The following RNF13 variants were observed in gnomAD, a reference collection of about 807,000 sequenced individuals.
RNF13 encodes ring finger protein 13.
Under a neutral mutation model 37.7 loss-of-function variants are expected in RNF13, and 19 were observed. The ratio of observed to expected loss-of-function variants is 0.50; its 90% CI spans 0.35 to 0.74. RNF13 has a LOEUF of 0.74. RNF13 is among the 30% of genes least tolerant of loss of function. The pLI is 0.01. For synonymous variants in RNF13, 144 were observed against 157.8 expected, an observed-to-expected ratio of 0.91 and a Z score of 0.65; for missense variants, 375 against 453.0, an observed-to-expected ratio of 0.83 and a Z score of 1.56.
Position 149,863,401 on chromosome 3 carries a change from A to G in RNF13, c.196-8628A>G, listed in dbSNP as rs117969325. On this transcript the variant is annotated intron_variant, in intron 3 of 9. Transcript: ENST00000392894. ...TTGATTCTTTTTTTTATTTTTTAAG[A>G]TGGAGACTCGCTCTGTCATGCAGGC... Among the ~76,000 whole-genome samples the G allele has an allele frequency of 1.1e-4, 17 of 152,238 alleles. No individual in the cohort carries two copies. In the East Asian group the frequency reaches 3.3e-3, roughly 29 times the overall value.
At chr3:149,948,697 T>G (rs1366531162) in intron 8 of RNF13, among the ~76,000 whole-genome samples, 1 of 152,236 alleles carries the variant, frequency 6.6e-6, no homozygotes, top group African/African-American at 2.4e-5. Flanking sequence ...TTTACATTGC[T>G]TATCATTTAA....
At chr3:149,857,717 C>T (rs906720417) in intron 3 of RNF13, among the ~76,000 whole-genome samples, 2 of 152,204 alleles carry the variant, frequency 1.3e-5, no homozygotes, top group Admixed American at 1.3e-4. Context: ...GATTACCTTT[C>T]CCCATCCCCT....
chr3:149,831,128 T>C (rs1212433783), intron 1 of RNF13, among the ~76,000 whole-genome samples: 1 of 152,260 alleles, frequency 6.6e-6, no homozygotes, highest in Non-Finnish European at 1.5e-5. Context: ...GGAGAACCTT[T>C]GCTAGGGCAG....
At chr3:149,853,836 T>C (rs1011019651) in intron 3 of RNF13, among the ~76,000 whole-genome samples, 24 of 142,152 alleles carry the variant, frequency 1.7e-4, no homozygotes, top group South Asian at 4.5e-4. Context: ...AAATTTCTCT[T>C]TTTTTTTTTT....
At chr3:149,857,646 G>A (rs1416260920) in intron 3 of RNF13, among the ~76,000 whole-genome samples, 2 of 152,122 alleles carry the variant, frequency 1.3e-5, no homozygotes, top group South Asian at 2.1e-4. Context: ...TCTTTGAAAA[G>A]ATAAATAATG....
intron 3 of RNF13, among the ~76,000 whole-genome samples, chr3:149,861,211 A>C (rs915329976): frequency 6.6e-6 from 1 of 152,060 alleles, no homozygotes; most frequent in African/African-American, 2.4e-5. Context: ...AGATTTAAAA[A>C]AAAAAACTTA....
At chr3:149,861,309 A>G (rs1232579034) in intron 3 of RNF13, among the ~76,000 whole-genome samples, 2 of 152,190 alleles carry the variant, frequency 1.3e-5, no homozygotes, top group East Asian at 3.8e-4. Context: ...AAAGAAGTGT[A>G]TCAAAGGGAT....
At chr3:149,906,645 CTTTTT>C (rs35801459) in intron 6 of RNF13, among the ~76,000 whole-genome samples, 4 of 79,154 alleles carry the variant, frequency 5.1e-5, no homozygotes, top group Admixed American at 1.9e-4. Flanking sequence ...TTCAATTCTG[CTTTTT>C]TTTTTTTTTT....
intron 6 of RNF13, among the ~76,000 whole-genome samples, chr3:149,905,889 T>C (rs929558726): frequency 5.3e-5 from 8 of 152,176 alleles, no homozygotes; most frequent in Non-Finnish European, 1.0e-4. Context: ...GATTTGAGTA[T>C]ATTTATAGAA....
intron 5 of RNF13, among the ~76,000 whole-genome samples, chr3:149,901,308 C>G (rs950709938): frequency 1.3e-5 from 2 of 152,098 alleles, no homozygotes; most frequent in African/African-American, 4.8e-5. Context: ...TCTCTAAAGC[C>G]AAATGTGTTA....
chr3:149,883,861 C>T (rs1026277131), intron 4 of RNF13, among the ~76,000 whole-genome samples: 2 of 152,174 alleles, frequency 1.3e-5, no homozygotes, highest in Non-Finnish European at 2.9e-5. Context: ...TCTCCCCCGA[C>T]CCTCCCTGAG....
intron 3 of RNF13, among the ~76,000 whole-genome samples, chr3:149,855,305 T>C (rs932785968): frequency 7.9e-5 from 12 of 152,052 alleles, no homozygotes; most frequent in African/African-American, 2.9e-4. Context: ...GGCGACAGAG[T>C]GAGACCTTGT....
In RNF13 at chr3:149,872,069, C is replaced by A; in HGVS notation, c.236C>A (p.Pro79His). ...INSKPENACE[P>H]IVPPPVKDNS... ...TCAAAACCAGAGAATGCCTGTGAACCCATAGTGCCTCCACCAGTAAAAGAC... is the reference window on the plus strand; with the variant it reads ...TCAAAACCAGAGAATGCCTGTGAACACATAGTGCCTCCACCAGTAAAAGAC... Residue 79 changes from proline (P) to histidine (H), a missense_variant, in exon 4 of 10, where the codon CCC (proline) becomes CAC (histidine). Coordinates refer to ENST00000392894, the MANE Select transcript of RNF13 (RefSeq NM_183381.3). 6.2e-7 allele frequency: 1 copy of A among 1,606,970 alleles called. No homozygotes were observed. Among genetic ancestry groups the A allele is most frequent in the Non-Finnish European group, 8.5e-7 (1 of 1,177,010 alleles).
chr3:149,927,393 G>A (rs928503097), intron 8 of RNF13, among the ~76,000 whole-genome samples: 9 of 152,108 alleles, frequency 5.9e-5, no homozygotes, highest in South Asian at 2.1e-4. Flanking sequence ...ATCTATTAGC[G>A]GATACGAGTT....
intron 8 of RNF13, among the ~76,000 whole-genome samples, chr3:149,930,750 C>T (rs1719081831): frequency 6.6e-6 from 1 of 152,168 alleles, no homozygotes; most frequent in Middle Eastern, 3.4e-3. Context: ...TAGACCTAGG[C>T]CTATTCAGAT....
intron 1 of RNF13, among the ~76,000 whole-genome samples, chr3:149,842,413 GT>G (rs1271137810): frequency 2.0e-5 from 3 of 152,106 alleles, no homozygotes; most frequent in Admixed American, 6.5e-5. Flanking sequence ...AAGCCCTTCT[GT>G]GCATAATTGT....
chr3:149,873,335 T>C (rs561149489), intron 4 of RNF13, among the ~76,000 whole-genome samples: 4 of 152,324 alleles, frequency 2.6e-5, no homozygotes, highest in African/African-American at 7.2e-5. Context: ...GGATGGCAGA[T>C]GGTACACTTT....
At chr3:149,938,639 TCTTTA>T (rs1719948517) in intron 8 of RNF13, among the ~76,000 whole-genome samples, 2 of 152,122 alleles carry the variant, frequency 1.3e-5, no homozygotes, top group South Asian at 2.1e-4. Context: ...TTTGTCAATC[TCTTTA>T]CTTTTAATCT....
chr3:149,864,008 A>ATTTTTTTTTTTTTT, intron 3 of RNF13, among the ~76,000 whole-genome samples: 1 of 29,692 alleles, frequency 3.4e-5, no homozygotes, highest in Middle Eastern at 0.031. Context: ...TTTGATTGGA[A>ATTTTTTTTTTTTTT]TTTTTTTTTT....
Sources: allele counts gnomAD v4.1 joint callset (sites outside exome capture counted in the v4.1 genomes callset), GRCh38; gene constraint gnomAD v4.1.1; transcripts MANE v1.5; gene names NCBI Gene and HGNC (gene_info 2026-07-23, HGNC 2026-07-21).